The following RELN variants were observed in gnomAD, a reference collection of about 807,000 sequenced individuals.
RELN encodes the protein reelin.
A neutral mutation model predicts 427.6 loss-of-function variants in RELN; 108 were observed. That is an observed-to-expected ratio of 0.25 (90% CI 0.22 to 0.30). The LOEUF is 0.30. Ranked by LOEUF, RELN falls within the 10% of genes least tolerant of loss-of-function variation. The pLI is 1.00. For synonymous variants in RELN, 1,524 were observed against 1,513.4 expected, an observed-to-expected ratio of 1.01 and a Z score of -0.16; for missense variants, 3,715 against 4,302.8, an observed-to-expected ratio of 0.86 and a Z score of 3.82.
At chr7:103,587,871 A>AAAAC (rs745347200) in intron 28 of RELN, among the ~76,000 whole-genome samples, 1 of 152,152 alleles carries the variant, frequency 6.6e-6, no homozygotes, top group Non-Finnish European at 1.5e-5. Context: ...CAAAAGACAA[A>AAAAC]AAACAAACAA....
chr7:103,847,634 A>C (rs1050841619), intron 2 of RELN, among the ~76,000 whole-genome samples: 1 of 152,194 alleles, frequency 6.6e-6, no homozygotes, highest in Non-Finnish European at 1.5e-5. Flanking sequence ...GGCAGAGAGA[A>C]GAGAGGAGAA....
intron 29 of RELN, among the ~76,000 whole-genome samples, chr7:103,575,180 C>A (rs143958501): frequency 1.3e-5 from 2 of 152,150 alleles, no homozygotes; most frequent in East Asian, 3.9e-4. Context: ...GCCTCAGTTT[C>A]CTTAAATATA....
At chr7:103,694,591 T>A (rs1353804993) in intron 10 of RELN, among the ~76,000 whole-genome samples, 2 of 152,116 alleles carry the variant, frequency 1.3e-5, no homozygotes, top group Non-Finnish European at 2.9e-5. Context: ...TAGCTTTTAT[T>A]ACTTGGTCAA....
intron 11 of RELN, among the ~76,000 whole-genome samples, chr7:103,662,349 T>C (rs955266718): frequency 2.0e-5 from 3 of 152,122 alleles, no homozygotes; most frequent in African/African-American, 7.2e-5. Context: ...CCAGCAGGCA[T>C]GGTGGCTCAC....
chr7:103,985,972 C>T (rs1403640351), intron 1 of RELN, among the ~76,000 whole-genome samples: 1 of 151,704 alleles, frequency 6.6e-6, no homozygotes, highest in Non-Finnish European at 1.5e-5. Context: ...CCACACAAAA[C>T]AAAACAAAAC....
intron 4 of RELN, among the ~76,000 whole-genome samples, chr7:103,772,295 T>A (rs958949648): frequency 6.7e-6 from 1 of 149,888 alleles, no homozygotes; most frequent in Non-Finnish European, 1.5e-5. Flanking sequence ...TATGACAACA[T>A]GCAATAAATA....
At chr7:103,492,072 A>G in intron 57 of RELN, 46 bp from the exon 58 acceptor site, 3 of 1,397,422 alleles carry the variant, frequency 2.1e-6, no homozygotes, top group African/African-American at 1.4e-5. Flanking sequence ...ATTAGATGAT[A>G]CTGAATTCCA....
At position 103,495,687 on chromosome 7, in the gene RELN, T is replaced by C. The variant is rs757043990; in HGVS notation, c.9369+36A>G. On this transcript the variant is annotated intron_variant, in intron 57 of 64. Coordinates refer to ENST00000428762, the MANE Select transcript of RELN (RefSeq NM_005045.4). ...TTCTCCCTCGAGGCCCCAAATGCAA[T>C]GCTACTTTCTGTTTTAAAGAGCCAC... 5 of 1,604,390 alleles carry C rather than the reference T, an allele frequency of 3.1e-6. No individual in the cohort carries two copies. In the African/African-American group the frequency reaches 4.0e-5, roughly 13 times the overall value.
chr7:103,666,208 A>G (rs1414978499), intron 11 of RELN, among the ~76,000 whole-genome samples: 2 of 151,950 alleles, frequency 1.3e-5, no homozygotes, highest in African/African-American at 4.8e-5. Flanking sequence ...AGCTGAGACT[A>G]CAAGGAGGCA....
rs538105047 is a variant in RELN at position 103,493,129 on chromosome 7, G to A, written c.9370-1103C>T. Among the ~76,000 whole-genome samples the A allele has an allele frequency of 3.3e-5, 5 of 152,250 alleles. No homozygotes were observed. The East Asian group carries it at 7.7e-4, about 24-fold the overall frequency. On this transcript the variant is annotated intron_variant, in intron 57 of 64. Coordinates refer to ENST00000428762, the MANE Select transcript of RELN (RefSeq NM_005045.4). ...TTATAAAGATCAATCTGACCATGAT[G>A]TCAAAGACAGATAGGAGTGGAGAGA...
At chr7:103,954,586 T>C (rs1228817908) in intron 1 of RELN, among the ~76,000 whole-genome samples, 5 of 152,198 alleles carry the variant, frequency 3.3e-5, no homozygotes, top group African/African-American at 1.2e-4. Context: ...GTCTTAGCAA[T>C]GCTGGTACAG....
At chr7:103,691,279 C>T (rs1224839558) in intron 10 of RELN, among the ~76,000 whole-genome samples, 1 of 152,000 alleles carries the variant, frequency 6.6e-6, no homozygotes, top group East Asian at 1.9e-4. Context: ...ATCATTCTTC[C>T]CTACTTGAGA....
intron 64 of RELN, among the ~76,000 whole-genome samples, chr7:103,476,121 A>G (rs376816800): frequency 6.6e-6 from 1 of 152,154 alleles, no homozygotes; most frequent in African/African-American, 2.4e-5. Flanking sequence ...GAATGTTGAT[A>G]TGCATATAGT....
intron 2 of RELN, among the ~76,000 whole-genome samples, chr7:103,890,356 G>A (rs1335020231): frequency 6.6e-6 from 1 of 152,108 alleles, no homozygotes; most frequent in Non-Finnish European, 1.5e-5. Context: ...CGGAGCAGTA[G>A]TGGTCCCTGG....
chr7:103,478,551 T>C, intron 63 of RELN, 157 bp from the exon 64 acceptor site: 2 of 666,900 alleles, frequency 3.0e-6, no homozygotes, highest in Non-Finnish European at 5.4e-6. Context: ...TTAAAGAAGT[T>C]ATTTCTTATT....
At position 103,784,823 on chromosome 7, in the gene RELN, G is replaced by C. The variant is rs115136477; in HGVS notation, c.474-8196C>G. 2.2e-3 allele frequency among the ~76,000 whole-genome samples: 328 copies of C among 152,204 alleles called. 2 individuals are homozygous for C. The highest frequency in any genetic ancestry group is 7.5e-3 in the African/African-American group (313 of 41,542). ...TTATGTTATGTGTACCCTAGGCACAGGGATTTTAGTCTGTTTCCTTTTTAA... is the reference window on the plus strand; with the variant it reads ...TTATGTTATGTGTACCCTAGGCACACGGATTTTAGTCTGTTTCCTTTTTAA... On this transcript the variant is annotated intron_variant, in intron 3 of 64. Transcript: ENST00000428762.
chr7:103,702,586 T>A (rs893353064), intron 8 of RELN, among the ~76,000 whole-genome samples: 2 of 152,242 alleles, frequency 1.3e-5, no homozygotes, highest in African/African-American at 4.8e-5. Context: ...TCTATTTTCT[T>A]ATGCTACCAT....
Position 103,989,394 on chromosome 7 carries a change from G to A in RELN, c.-38C>T, listed in dbSNP as rs977282076. On this transcript the variant is annotated 5_prime_UTR_variant, in exon 1 of 65. Transcript: ENST00000428762. This position sits in a 1 kb window ranked among gnomAD's most constrained non-coding sequence, Gnocchi z 4.9. ...GCCGCCGCCGCCGCGCGCCCTACGC[G>A]CCGCTCGCTCATTCAGTTTTGGAGA... 1.2e-5 allele frequency: 14 copies of A among 1,176,176 alleles called. No individual in the cohort carries two copies. The highest frequency in any genetic ancestry group is 1.4e-5 in the Non-Finnish European group (13 of 915,752). The allele number at this position is 1,176,176 out of a possible 1,614,324, so 72.9% of individuals were successfully genotyped here.
chr7:103,618,362 G>A (rs1041543752), intron 20 of RELN, among the ~76,000 whole-genome samples: 11 of 152,114 alleles, frequency 7.2e-5, no homozygotes, highest in African/African-American at 1.2e-4. Flanking sequence ...CCTGTTACTC[G>A]TCTCTAGCCT....
Sources: allele counts gnomAD v4.1 joint callset (sites outside exome capture counted in the v4.1 genomes callset), GRCh38; gene constraint gnomAD v4.1.1; non-coding constraint Gnocchi (gnomAD v3.1); transcripts MANE v1.5; gene names NCBI Gene and HGNC (gene_info 2026-07-23, HGNC 2026-07-21).